The following PLCG2 variants were observed in gnomAD, a reference collection of about 807,000 sequenced individuals.
The protein encoded by PLCG2 is phospholipase C gamma 2.
PLCG2 carries 69 observed loss-of-function variants against 175.6 expected under a neutral mutation model. The ratio of observed to expected loss-of-function variants is 0.39; its 90% confidence interval spans 0.32 to 0.48. PLCG2 has a LOEUF of 0.48. Ranked by LOEUF, PLCG2 falls within the 20% of genes least tolerant of loss-of-function variation. The pLI is 0.91. For synonymous variants in PLCG2, 827 were observed against 624.0 expected (o/e 1.33, Z -4.85); for missense variants, 1,798 against 1,650.9 (o/e 1.09, Z -1.54).
chr16:81,843,344 C>T (rs1449116470), intron 2 of PLCG2, among the ~76,000 whole-genome samples: 20 of 152,298 alleles, frequency 1.3e-4, no homozygotes, highest in East Asian at 3.9e-4. Context: ...TACACTCATA[C>T]GTGCACACTT....
At chr16:81,873,744 A>G (rs1434112385) in intron 7 of PLCG2, among the ~76,000 whole-genome samples, 2 of 152,200 alleles carry the variant, frequency 1.3e-5, no homozygotes, top group African/African-American at 4.8e-5. Flanking sequence ...AGCCTGGGCA[A>G]CATAGTGAGA....
chr16:81,895,420 C>T (rs918553313), intron 12 of PLCG2, among the ~76,000 whole-genome samples: 11 of 152,138 alleles, frequency 7.2e-5, no homozygotes, highest in Admixed American at 2.6e-4. Context: ...ATTAGCCGAG[C>T]GTGATGGTAC....
intron 27 of PLCG2, among the ~76,000 whole-genome samples, chr16:81,937,170 T>G (rs796667168): frequency 1.3e-5 from 2 of 152,274 alleles, no homozygotes; most frequent in African/African-American, 4.8e-5. Context: ...ATAGAGATCG[T>G]GGGCGGGGAT....
At chr16:81,817,910 G>A (rs1286617028) in intron 2 of PLCG2, among the ~76,000 whole-genome samples, 1 of 152,230 alleles carries the variant, frequency 6.6e-6, no homozygotes, top group Non-Finnish European at 1.5e-5. Context: ...TACTGTTTCG[G>A]GGAGAAGGGG....
chr16:81,883,220 T>C (rs1401816089), intron 8 of PLCG2, 49 bp from the exon 9 acceptor site: 1 of 1,548,970 alleles, frequency 6.5e-7, no homozygotes, highest in African/African-American at 1.4e-5. Flanking sequence ...TCTCGACTCC[T>C]CTGTTGAATG....
At chr16:81,875,525 G>GT (rs1372208149) in intron 7 of PLCG2, among the ~76,000 whole-genome samples, 3 of 152,240 alleles carry the variant, frequency 2.0e-5, no homozygotes, top group East Asian at 1.9e-4. Flanking sequence ...AGAGAATAGC[G>GT]TAACAGACCC....
At chr16:81,930,700 A>G (rs1200660937) in intron 24 of PLCG2, among the ~76,000 whole-genome samples, 2 of 149,112 alleles carry the variant, frequency 1.3e-5, no homozygotes, top group African/African-American at 4.9e-5. Flanking sequence ...GGGAGCCAAG[A>G]TCGCACCACT....
chr16:81,930,730 A>G (rs1910463583), intron 24 of PLCG2, among the ~76,000 whole-genome samples: 1 of 138,832 alleles, frequency 7.2e-6, no homozygotes, highest in Admixed American at 7.8e-5. Context: ...CCTGGGTGAC[A>G]GAGTGCCACC....
upstream of PLCG2, among the ~76,000 whole-genome samples, chr16:81,776,582 T>A (rs1249559578): frequency 2.0e-5 from 3 of 152,044 alleles, no homozygotes; most frequent in Non-Finnish European, 2.9e-5. Flanking sequence ...TGAGATGGAG[T>A]CTTGATCTAT....
chr16:81,921,391 A>ATTTTT, intron 21 of PLCG2, 122 bp downstream of exon 21: 1 of 621,720 alleles, frequency 1.6e-6, no homozygotes, highest in Non-Finnish European at 3.0e-6. Context: ...GGCCAAAATA[A>ATTTTT]TTTTTTTTTT....
rs577923416 is a variant in PLCG2, at chr16:81,956,982, C to T, written c.3755+103C>T. On this transcript the variant is annotated intron_variant, in intron 32 of 32. Coordinates refer to ENST00000564138, the MANE Select transcript of PLCG2 (RefSeq NM_002661.5). ...TCTGGAAAGCCCTCTGAGTTGCTTT[C>T]TTCAGAAATCCTTGGCCGGGCATGG... The T allele has an allele frequency of 2.6e-4, 255 of 996,190 alleles. 2 individuals carry two copies. The African/African-American group carries it at 3.4e-3, about 13-fold the overall frequency. The allele number at this position is 996,190 out of a possible 1,614,324, so 61.7% of individuals were successfully genotyped here.
chr16:81,883,083 A>G (rs1254051360), intron 8 of PLCG2, among the ~76,000 whole-genome samples, 186 bp from the exon 9 acceptor site: 3 of 152,020 alleles, frequency 2.0e-5, no homozygotes, highest in Admixed American at 1.3e-4. Context: ...GTCCCTCTGA[A>G]TCCTTGTAGG....
chr16:81,870,607 G>A (rs797014816), intron 6 of PLCG2, among the ~76,000 whole-genome samples: 13 of 152,272 alleles, frequency 8.5e-5, no homozygotes, highest in African/African-American at 3.1e-4. Flanking sequence ...GGGAACGTGT[G>A]GAGGGTTTTG....
chr16:81,900,393 G>C (rs909601852), intron 13 of PLCG2, among the ~76,000 whole-genome samples: 2 of 152,238 alleles, frequency 1.3e-5, no homozygotes. Flanking sequence ...GGGGTATGGG[G>C]AAGCTCCTGA....
In PLCG2 at chr16:81,859,149, A is replaced by T; in HGVS notation, c.465A>T (p.Gln155His). 1 of 1,593,872 alleles carries T rather than the reference A, an allele frequency of 6.3e-7. No individual in the cohort carries two copies. Among genetic ancestry groups the T allele is most frequent in the Non-Finnish European group, 8.6e-7 (1 of 1,161,552 alleles). ...GAAAGCAGATATATTCTGTGGATCA[A>T]ACCAGAAGAAACAGGTAAGAGTCAT... Reference protein sequence around the residue: ...WLRKQIYSVDQTRRNSISLRE... With the variant: ...WLRKQIYSVDHTRRNSISLRE... Residue 155 changes from glutamine (Q) to histidine (H), a missense_variant, in exon 5 of 33, where the codon CAA becomes CAT. Transcript: ENST00000564138.
chr16:81,860,830 G>A (rs960237653), intron 5 of PLCG2, among the ~76,000 whole-genome samples: 2 of 151,962 alleles, frequency 1.3e-5, no homozygotes, highest in African/African-American at 2.4e-5. Flanking sequence ...AATTAGCCAG[G>A]CATGGTAGCA....
intron 11 of PLCG2, among the ~76,000 whole-genome samples, chr16:81,892,245 T>C (rs1188992157): frequency 2.6e-5 from 4 of 152,180 alleles, no homozygotes; most frequent in Admixed American, 1.3e-4. Context: ...CAGGATCTTG[T>C]AGGTCACCGT....
chr16:81,900,197 G>A (rs1909086951), intron 13 of PLCG2, among the ~76,000 whole-genome samples: 1 of 152,222 alleles, frequency 6.6e-6, no homozygotes, highest in South Asian at 2.1e-4. Flanking sequence ...ACATACTAAA[G>A]TAGGTGGATG....
intron 12 of PLCG2, 104 bp from the exon 13 acceptor site, chr16:81,895,703 G>C: frequency 2.4e-6 from 3 of 1,269,746 alleles, no homozygotes; most frequent in Admixed American, 1.8e-5. Context: ...GAGGGAGTGT[G>C]GGTGTCCTTG....
Sources: allele counts gnomAD v4.1 joint callset (sites outside exome capture counted in the v4.1 genomes callset), GRCh38; gene constraint gnomAD v4.1.1; transcripts MANE v1.5; gene names NCBI Gene and HGNC (gene_info 2026-07-23, HGNC 2026-07-21).